Variants in CPHXL observed in about 807,000 individuals in gnomAD.
CPHXL encodes the protein cytoplasmic polyadenylated homeobox like, also known as cytoplasmic polyadenylated homeobox-like protein.
At chr16:75,721,221 C>T (rs1453405628) in intron 1 of CPHXL, among the ~76,000 whole-genome samples, 4 of 152,156 alleles carry the variant, frequency 2.6e-5, no homozygotes, top group African/African-American at 9.7e-5. Flanking sequence ...CAGCTAACAT[C>T]ATAATGACAG....
At chr16:75,715,301 G>T in intron 2 of CPHXL, 79 bp from the exon 3 acceptor site, 3 of 397,946 alleles carry the variant, frequency 7.5e-6, no homozygotes, top group Non-Finnish European at 1.3e-5. Flanking sequence ...AATGTAGGAG[G>T]ATTTTTCTAT....
chr16:75,718,054 T>G (rs1959418677), intron 2 of CPHXL, among the ~76,000 whole-genome samples: 2 of 97,994 alleles, frequency 2.0e-5, no homozygotes, highest in South Asian at 6.8e-4. Flanking sequence ...GAGACCCCAT[T>G]TTTTACAAAA....
chr16:75,722,167 T>G (rs1255830083), intron 1 of CPHXL, among the ~76,000 whole-genome samples: 1 of 152,060 alleles, frequency 6.6e-6, no homozygotes, highest in Non-Finnish European at 1.5e-5. Context: ...GATCTAAAAT[T>G]GACACCCTAA....
intron 1 of CPHXL, among the ~76,000 whole-genome samples, chr16:75,725,167 C>G (rs1959537107): frequency 6.6e-6 from 1 of 151,798 alleles, no homozygotes; most frequent in South Asian, 2.1e-4. Context: ...GGAGATGTGC[C>G]TAATGTTAAA....
chr16:75,719,028 C>A (rs1041312239), intron 1 of CPHXL, among the ~76,000 whole-genome samples: 1 of 151,852 alleles, frequency 6.6e-6, no homozygotes, highest in African/African-American at 2.4e-5. Flanking sequence ...CTGAGTTCCA[C>A]GAGTGTAGTT....
chr16:75,718,294 T>C lies in CPHXL; in HGVS notation c.190A>G (p.Lys64Glu), dbSNP rs778551228. 12 of 398,746 alleles carry C rather than the reference T, an allele frequency of 3.0e-5. No individual in the cohort carries two copies. Among genetic ancestry groups the C allele is most frequent in the Non-Finnish European group, 5.3e-5 (12 of 226,214 alleles). 24.7% of individuals were successfully genotyped at this position (398,746 alleles called of 1,614,324 possible). A position where few individuals can be genotyped will look rare whatever the true frequency, so the allele number is the denominator to read the frequency against. ...ATCACATTTACCGGACAATCAAATT[T>C]GATGGCCAGTGTTTTCCTAGTTGTG... ...DYTTRKTLAI[K>E]FDCPVNVIDN... Residue 64 changes from lysine to glutamate, a missense_variant, in exon 2 of 3, where the codon AAA becomes GAA. Physicochemically the swap from Lys to Glu is moderately conservative, Grantham distance 56. Coordinates refer to ENST00000640559, the MANE Select transcript of CPHXL (RefSeq NM_001355613.1).
At chr16:75,723,454 A>G (rs973924340) in intron 1 of CPHXL, among the ~76,000 whole-genome samples, 5 of 152,210 alleles carry the variant, frequency 3.3e-5, no homozygotes, top group Non-Finnish European at 7.4e-5. Context: ...TTATACACCA[A>G]TAACAGACAA....
At chr16:75,720,047 C>A (rs975719668) in intron 1 of CPHXL, among the ~76,000 whole-genome samples, 3 of 152,338 alleles carry the variant, frequency 2.0e-5, no homozygotes, top group Middle Eastern at 3.4e-3. Flanking sequence ...AGGGTCCTGA[C>A]TGTTAGAAGG....
At chr16:75,723,944 A>G (rs1005794851) in intron 1 of CPHXL, among the ~76,000 whole-genome samples, 2 of 152,168 alleles carry the variant, frequency 1.3e-5, no homozygotes, top group African/African-American at 2.4e-5. Flanking sequence ...CAATGCAACA[A>G]AAGAGAGCCC....
chr16:75,724,870 C>T (rs991247200), intron 1 of CPHXL, among the ~76,000 whole-genome samples: 2 of 152,132 alleles, frequency 1.3e-5, no homozygotes, highest in Non-Finnish European at 2.9e-5. Context: ...GACTTGGAAC[C>T]AAGCCAAATG....
intron 2 of CPHXL, among the ~76,000 whole-genome samples, 180 bp downstream of exon 2, chr16:75,718,085 G>C (rs150339655): frequency 6.6e-6 from 1 of 152,048 alleles, no homozygotes; most frequent in African/African-American, 2.4e-5. Context: ...TGGCGGGGTG[G>C]TGTGTGCCTG....
At chr16:75,725,555 C>A (rs1218697835) in intron 1 of CPHXL, among the ~76,000 whole-genome samples, 1 of 151,650 alleles carries the variant, frequency 6.6e-6, no homozygotes, top group Admixed American at 6.6e-5. Context: ...CGGGTTCACG[C>A]CATTCTCCTG....
chr16:75,724,059 T>C (rs1181256066), intron 1 of CPHXL, among the ~76,000 whole-genome samples: 8 of 152,306 alleles, frequency 5.3e-5, no homozygotes, highest in African/African-American at 1.9e-4. Context: ...GCTGGGAAAG[T>C]TGGCTAGCCA....
chr16:75,714,812 C>T lies in CPHXL; in HGVS notation c.630G>A (p.Leu210=), dbSNP rs938900951. 6.3e-5 allele frequency: 25 copies of T among 398,524 alleles called. No individual in the cohort carries two copies. The highest frequency in any genetic ancestry group is 1.0e-4 in the Non-Finnish European group (23 of 226,098). The allele number at this position is 398,524 out of a possible 1,614,324, so 24.7% of individuals were successfully genotyped here. A position where few individuals can be genotyped will look rare whatever the true frequency, so the allele number is the denominator to read the frequency against. The change falls in exon 3 of 3, where the codon CTG becomes CTA. Residue 210 remains leucine, a synonymous_variant. Transcript: ENST00000640559. ...CTGGATGCTTTTCAGTGCCTGTGAC[C>T]AGATAGGAACTCTGGGAGGCCACCT... ...SQQVASQSSY[L]VTGTEKHPGC...
Position 75,718,392 on chromosome 16 carries a change from T to G in CPHXL, c.92A>C (p.His31Pro). Residue 31 changes from histidine (H) to proline (P), a missense_variant, in exon 2 of 3, where the codon CAC becomes CCC. Physicochemically the swap from His to Pro is moderately conservative, Grantham distance 77. Transcript: ENST00000640559. The part of the protein sequence containing the change: ...RQTKNKRKTK[H>P]RHKFSEELLQ... ...TAATTCTTCAGAAAATTTATGTCGG[T>G]GTTTTGTTTTTCTTTTATTCTTTGT... 2.5e-6 allele frequency: 1 copy of G among 398,716 alleles called. No homozygotes were observed. The highest frequency in any genetic ancestry group is 3.6e-5 in the East Asian group (1 of 28,066). 24.7% of individuals were successfully genotyped at this position (398,716 alleles called of 1,614,324 possible).
chr16:75,725,896 G>A (rs1357745411), intron 1 of CPHXL, among the ~76,000 whole-genome samples: 1 of 150,546 alleles, frequency 6.6e-6, no homozygotes, highest in Non-Finnish European at 1.5e-5. Flanking sequence ...TAGGCATACA[G>A]CCAGTCATAC....
At chr16:75,716,061 G>C (rs930692532) in intron 2 of CPHXL, among the ~76,000 whole-genome samples, 2 of 151,956 alleles carry the variant, frequency 1.3e-5, no homozygotes. Flanking sequence ...TACAACTAAA[G>C]AGTGCAATTG....
chr16:75,718,087 G>A (rs1399975370), intron 2 of CPHXL, among the ~76,000 whole-genome samples, 178 bp downstream of exon 2: 1 of 151,888 alleles, frequency 6.6e-6, no homozygotes, highest in Non-Finnish European at 1.5e-5. Context: ...GCGGGGTGGT[G>A]TGTGCCTGTA....
At chr16:75,717,507 C>T (rs1025117506) in intron 2 of CPHXL, among the ~76,000 whole-genome samples, 1 of 152,182 alleles carries the variant, frequency 6.6e-6, no homozygotes, top group Non-Finnish European at 1.5e-5. Flanking sequence ...CTCTAGATGA[C>T]TTACAATACC....
Sources: gnomAD v4.1 joint callset for allele counts (sites outside exome capture counted in the v4.1 genomes callset) on GRCh38, gnomAD v4.1.1 for gene constraint, MANE v1.5 for transcripts, NCBI Gene and HGNC (gene_info 2026-07-23, HGNC 2026-07-21) for gene names.